Variants in DNAH14 observed in about 807,000 individuals in gnomAD.
DNAH14 encodes the protein axonemal beta dynein heavy chain 14.
In DNAH14, 478 loss-of-function variants were observed where a neutral mutation model predicts 520.9. The ratio of observed to expected loss-of-function variants is 0.92; its 90% confidence interval spans 0.85 to 0.99. DNAH14 has a LOEUF of 0.99. Among genes scored for constraint, DNAH14 ranks in the 50% least tolerant of loss-of-function variants. The probability of loss-of-function intolerance (pLI) is 0.00; values close to 1 mark genes in which losing one functional copy is unlikely to be tolerated. For synonymous variants in DNAH14, 1,581 were observed against 1,757.2 expected, an observed-to-expected ratio of 0.90 and a Z score of 2.51; for missense variants, 4,831 against 5,234.5, an observed-to-expected ratio of 0.92 and a Z score of 2.38.
rs1394909723 is a variant in DNAH14, at chr1:224,960,181, A to G, written c.246A>G (p.Gln82=). The change falls in exon 4 of 86, where the codon CAA becomes CAG. Residue 82 remains glutamine (Q), a synonymous_variant. Coordinates refer to ENST00000682510, the MANE Select transcript of DNAH14 (RefSeq NM_001367479.1). ...ACCTTAGAGAAAGTATAATTCAACA[A>G]CATATGGTTTCTCCAGAGCCAGCTT... is the stretch of plus-strand genomic sequence containing the variant. ...EDYLRESIIQ[Q]HMVSPEPASL... 1.2e-6 allele frequency: 2 copies of G among 1,601,640 alleles called. No homozygotes were observed. Among genetic ancestry groups the G allele is most frequent in the Non-Finnish European group, 1.7e-6 (2 of 1,175,834 alleles).
intron 17 of DNAH14, among the ~76,000 whole-genome samples, chr1:225,059,701 A>G (rs1208923931): frequency 1.3e-5 from 2 of 151,812 alleles, no homozygotes; most frequent in Non-Finnish European, 2.9e-5. Flanking sequence ...TTCCTTCAGG[A>G]GCTCTTTTAG....
At position 224,973,674 on chromosome 1, in the gene DNAH14, G is replaced by A. The variant is rs150904419; in HGVS notation, c.768-417G>A. ...ATATAATATCAAAATGACATACATTGCCTTAATTTTTTACTTACCACTATA... is the reference window on the plus strand; with the variant it reads ...ATATAATATCAAAATGACATACATTACCTTAATTTTTTACTTACCACTATA... On this transcript the variant is annotated intron_variant, in intron 7 of 85. Transcript: ENST00000682510. Among the ~76,000 whole-genome samples, 1,082 of 152,160 alleles carry A rather than the reference G, an allele frequency of 7.1e-3. 9 individuals are homozygous for A. The highest frequency in any genetic ancestry group is 0.024 in the African/African-American group (1,014 of 41,530).
chr1:225,226,394 G>A (rs1315897962), intron 41 of DNAH14, among the ~76,000 whole-genome samples: 1 of 152,200 alleles, frequency 6.6e-6, no homozygotes, highest in Non-Finnish European at 1.5e-5. Context: ...TCATGGCAAA[G>A]GAAATGCCTT....
intron 11 of DNAH14, among the ~76,000 whole-genome samples, chr1:225,034,919 A>G (rs2066832920): frequency 6.6e-6 from 1 of 151,992 alleles, no homozygotes; most frequent in Non-Finnish European, 1.5e-5. Context: ...CAGTAGTAAC[A>G]TTCCCTTCAT....
chr1:224,961,872 G>A (rs927856713), intron 4 of DNAH14, among the ~76,000 whole-genome samples: 1 of 151,966 alleles, frequency 6.6e-6, no homozygotes, highest in Non-Finnish European at 1.5e-5. Context: ...TGTAAGAAAG[G>A]CCAAAAATTT....
Position 225,192,911 on chromosome 1 carries a change from T to C in DNAH14, c.5886T>C (p.Asn1962=). ...RLKSRISDLS[N]VFKLDSSDTT... ...AGTCAAGAATCTCAGATTTATCCAA[T>C]GTAAGTTTAGTATTGAATGAATGTT... The change falls in exon 38 of 86, where the codon AAT becomes AAC. Residue 1962 remains asparagine (N), a splice_region_variant and synonymous_variant. Transcript: ENST00000682510. The C allele has an allele frequency of 6.5e-7, 1 of 1,543,034 alleles. No individual in the cohort carries two copies. The highest frequency in any genetic ancestry group is 8.8e-7 in the Non-Finnish European group (1 of 1,140,944).
At chr1:225,398,366 T>TAGGAAAAAAA (rs753721585) in intron 84 of DNAH14, among the ~76,000 whole-genome samples, 154 bp from the exon 85 acceptor site, 1 of 152,140 alleles carries the variant, frequency 6.6e-6, no homozygotes, top group Non-Finnish European at 1.5e-5. Flanking sequence ...GCACTCAGAA[T>TAGGAAAAAAA]AGGAAAAAAA....
intron 84 of DNAH14, chr1:225,396,970 A>C (rs1575195148): frequency 6.6e-6 from 1 of 152,128 alleles, no homozygotes; most frequent in East Asian, 1.9e-4. Context: ...TAAGGGGAAG[A>C]GAAGTAAAAA....
chr1:225,334,979 CTA>C (rs1388944618), intron 66 of DNAH14, among the ~76,000 whole-genome samples: 2 of 149,530 alleles, frequency 1.3e-5, no homozygotes, highest in East Asian at 2.0e-4. Flanking sequence ...AGTTATAAGA[CTA>C]TACATATATA....
chr1:225,083,885 C>T (rs1322970780), intron 20 of DNAH14, among the ~76,000 whole-genome samples: 8 of 152,030 alleles, frequency 5.3e-5, no homozygotes, highest in African/African-American at 1.9e-4. Flanking sequence ...TTTTTATATC[C>T]AGTCTTGGGT....
intron 77 of DNAH14, among the ~76,000 whole-genome samples, chr1:225,372,629 G>A (rs2150663028): frequency 6.6e-6 from 1 of 152,170 alleles, no homozygotes; most frequent in Non-Finnish European, 1.5e-5. Flanking sequence ...AATAAATCTA[G>A]GAGATTACAT....
At chr1:225,316,807 G>T (rs565685653) in intron 60 of DNAH14, among the ~76,000 whole-genome samples, 1 of 152,210 alleles carries the variant, frequency 6.6e-6, no homozygotes, top group Non-Finnish European at 1.5e-5. Context: ...GGCCATCTTG[G>T]CCCAATCATG....
At chr1:225,256,779 T>A (rs1192581733) in intron 44 of DNAH14, among the ~76,000 whole-genome samples, 2 of 151,920 alleles carry the variant, frequency 1.3e-5, no homozygotes, top group Non-Finnish European at 2.9e-5. Flanking sequence ...ACAGATTAGC[T>A]CAGTCAAATA....
intron 8 of DNAH14, among the ~76,000 whole-genome samples, chr1:224,990,580 T>G (rs983815110): frequency 6.6e-6 from 1 of 152,208 alleles, no homozygotes; most frequent in Non-Finnish European, 1.5e-5. Context: ...GTGCCTGGCT[T>G]ATTTAACTTA....
intron 1 of DNAH14, among the ~76,000 whole-genome samples, chr1:224,935,601 G>A (rs1234282264): frequency 6.6e-6 from 1 of 151,736 alleles, no homozygotes; most frequent in Non-Finnish European, 1.5e-5. Flanking sequence ...TATAAAGACT[G>A]CCATACAATA....
chr1:225,288,835 A>G (rs1346145463), intron 54 of DNAH14, among the ~76,000 whole-genome samples: 1 of 152,176 alleles, frequency 6.6e-6, no homozygotes, highest in Non-Finnish European at 1.5e-5. Context: ...GATTGTGTAT[A>G]AACTGAACTT....
chr1:224,994,675 T>A (rs767432430), intron 8 of DNAH14, among the ~76,000 whole-genome samples: 10 of 152,084 alleles, frequency 6.6e-5, no homozygotes, highest in Non-Finnish European at 1.5e-4. Context: ...TTCAAGGTAA[T>A]TATGGACAGG....
chr1:225,202,733 A>G (rs971275272), intron 38 of DNAH14, among the ~76,000 whole-genome samples: 2 of 152,132 alleles, frequency 1.3e-5, no homozygotes, highest in African/African-American at 4.8e-5. Flanking sequence ...TCAAATTGTT[A>G]CAAAGTTGAG....
intron 27 of DNAH14, among the ~76,000 whole-genome samples, chr1:225,134,260 A>G (rs902895594): frequency 2.0e-5 from 3 of 152,064 alleles, no homozygotes; most frequent in African/African-American, 7.2e-5. Context: ...TTCGAATACT[A>G]TGTTGAATAG....
Sources: allele counts gnomAD v4.1 joint callset (sites outside exome capture counted in the v4.1 genomes callset), GRCh38; gene constraint gnomAD v4.1.1; transcripts MANE v1.5; gene names NCBI Gene and HGNC (gene_info 2026-07-23, HGNC 2026-07-21).